NSMF: variants seen among roughly 807,000 people sequenced by gnomAD.
NSMF encodes nasal embryonic LHRH factor.
A neutral mutation model predicts 71.0 loss-of-function variants in NSMF; 31 were observed. The observed-to-expected ratio is 0.44, with a 90% confidence interval of 0.33 to 0.59. The LOEUF (loss-of-function observed/expected upper bound fraction) is 0.59, where lower values mean the gene tolerates loss of function less well. Ranked by LOEUF, NSMF falls within the 20% of genes least tolerant of loss-of-function variation. The pLI, the probability that NSMF is intolerant of heterozygous loss-of-function variation, is 0.04. For synonymous variants in NSMF, 345 were observed against 287.1 expected (o/e 1.20, Z -2.04); for missense variants, 673 against 740.5 (o/e 0.91, Z 1.06).
chr9:137,455,383 G>A, intron 5 of NSMF, 76 bp from the exon 6 acceptor site: 5 of 1,529,548 alleles, frequency 3.3e-6, no homozygotes, highest in Non-Finnish European at 3.6e-6. Context: ...AGTGGTGCGA[G>A]CAGAGGGCCC....
rs140672599 is a variant in NSMF at position 137,453,420 on chromosome 9, G to A, written c.923-240C>T. 5.8e-3 allele frequency: 3,600 copies of A among 621,626 alleles called. 16 individuals are homozygous for A. The highest frequency in any genetic ancestry group is 8.3e-3 in the Non-Finnish European group (2,961 of 358,412). 38.5% of individuals were successfully genotyped at this position (621,626 alleles called of 1,614,324 possible). A position where few individuals can be genotyped will look rare whatever the true frequency, so the allele number is the denominator to read the frequency against. On this transcript the variant is annotated intron_variant, in intron 8 of 15. Coordinates refer to ENST00000371475, the MANE Select transcript of NSMF (RefSeq NM_001130969.3). This position sits in a 1 kb window ranked among gnomAD's most constrained non-coding sequence, Gnocchi z 4.5. ...CGGTGGAAGGCGCGTGCAGGCATCAGCTCCAGCCAAGTCCGCCGGGCGCCT... is the reference window on the plus strand; with the variant it reads ...CGGTGGAAGGCGCGTGCAGGCATCAACTCCAGCCAAGTCCGCCGGGCGCCT...
intron 12 of NSMF, 54 bp from the exon 13 acceptor site, chr9:137,450,309 C>T: frequency 2.1e-6 from 3 of 1,422,902 alleles, no homozygotes; most frequent in Non-Finnish European, 3.0e-6. Context: ...CTCTCCGACA[C>T]ACATGCACCC....
intron 10 of NSMF, 62 bp from the exon 11 acceptor site, chr9:137,452,648 G>A: frequency 6.2e-7 from 1 of 1,608,948 alleles, no homozygotes; most frequent in South Asian, 1.1e-5. Context: ...CAGCGCCACA[G>A]CACCCTGGGG....
rs1245354015 is a variant in NSMF at position 137,453,786 on chromosome 9, C to A, written c.867G>T (p.Arg289=). The A allele has an allele frequency of 6.3e-7, 1 of 1,599,520 alleles. No individual in the cohort carries two copies. The highest frequency in any genetic ancestry group is 1.3e-5 in the African/African-American group (1 of 74,800). The change falls in exon 8 of 16, where the codon CGG becomes CGT. Residue 289 remains arginine (R), a synonymous_variant. Coordinates refer to ENST00000371475, the MANE Select transcript of NSMF (RefSeq NM_001130969.3). The surrounding 1 kb of genome is among the most constrained non-coding windows in gnomAD (Gnocchi z 4.5). ...TCATGGGGGTGGGGTCGCTCCAGGA[C>A]CGGCTGAAGCTCCGCTCGCGCCGCT... ...FAERRERSFS[R]SWSDPTPMKA... is the part of the protein sequence containing the mutation.
rs762284135 is a variant in NSMF, at chr9:137,449,502, C to T, written c.1496-11G>A. On this transcript the variant is annotated splice_polypyrimidine_tract_variant and intron_variant, in intron 15 of 15. Transcript: ENST00000371475. ...CGATCATCTGCTTCCCTGGGCGGAG[C>T]GGGGGCAGGAGGCTCAGGCCTGGCC... 1.4e-5 allele frequency: 23 copies of T among 1,612,452 alleles called. No homozygotes were observed. The highest frequency in any genetic ancestry group is 1.6e-4 in the Middle Eastern group (1 of 6,084).
Position 137,453,428 on chromosome 9 carries a change from C to G in NSMF, c.923-248G>C. ...GGCGCGTGCAGGCATCAGCTCCAGC[C>G]AAGTCCGCCGGGCGCCTGGGAGGGA... On this transcript the variant is annotated intron_variant, in intron 8 of 15. Transcript: ENST00000371475. The surrounding 1 kb of genome is among the most constrained non-coding windows in gnomAD (Gnocchi z 4.5). 1.6e-6 allele frequency: 1 copy of G among 615,524 alleles called. No homozygotes were observed. Among genetic ancestry groups the G allele is most frequent in the South Asian group, 2.0e-5 (1 of 51,008 alleles). The allele number at this position is 615,524 out of a possible 1,614,324, so 38.1% of individuals were successfully genotyped here. A position where few individuals can be genotyped will look rare whatever the true frequency, so the allele number is the denominator to read the frequency against.
Position 137,458,521 on chromosome 9 carries a change from A to T in NSMF, c.100T>A (p.Ser34Thr). The change falls in exon 2 of 16, where the codon TCC becomes ACC. Residue 34 changes from serine to threonine, a missense_variant. Transcript: ENST00000371475. The part of the protein sequence containing the change: ...RAARAFGEYL[S>T]QSHPENRNGA... ...TTGCGGTTCTCAGGGTGACTCTGGG[A>T]CAGGTACTCTCCAAACGCTCGGGCT... The T allele has an allele frequency of 6.3e-7, 1 of 1,598,960 alleles. No homozygotes were observed. Among genetic ancestry groups the T allele is most frequent in the Non-Finnish European group, 8.5e-7 (1 of 1,174,636 alleles).
rs1286335201 is a variant in NSMF at position 137,458,118 on chromosome 9, C to CTG, written c.134-219_134-218dup. On this transcript the variant is annotated intron_variant, in intron 2 of 15. Transcript: ENST00000371475. ...TGGGGGCTGGGTGACGCTGTGCTAC[C>CTG]TGTGTGCGGTCCTGCCGGGTAGGAA... is the stretch of plus-strand genomic sequence containing the variant. 4.6e-5 allele frequency among the ~76,000 whole-genome samples: 7 copies of CTG among 152,208 alleles called. 1 individual carries two copies. In the East Asian group the frequency reaches 1.2e-3, roughly 25 times the overall value.
At chr9:137,452,907 G>A (rs1207978158) in intron 9 of NSMF, 88 bp from the exon 10 acceptor site, 1 of 1,551,648 alleles carries the variant, frequency 6.4e-7, no homozygotes, top group Admixed American at 1.8e-5. Context: ...CCTTCTGGCT[G>A]CCAGGCAGCC....
At position 137,457,453 on chromosome 9, in the gene NSMF, A is replaced by C; in HGVS notation, c.582T>G (p.Gly194=). Residue 194 remains glycine, a synonymous_variant, in exon 3 of 16, where the codon GGT becomes GGG. Coordinates refer to ENST00000371475, the MANE Select transcript of NSMF (RefSeq NM_001130969.3). ...LDQPPLPETS[G]RRKKLERMYS... ...ACATCCTCTCCAGCTTCTTGCGGCG[A>C]CCGGAGGTCTCAGGCAGAGGTGGCT... 6.2e-7 allele frequency: 1 copy of C among 1,612,768 alleles called. No individual in the cohort carries two copies. The highest frequency in any genetic ancestry group is 1.1e-5 in the South Asian group (1 of 91,074).
In NSMF at chr9:137,449,460, G is replaced by C. The variant is rs1588490078; in HGVS notation, c.1527C>G (p.Phe509Leu). ...GKQMIETYFD[F>L]RLYRLWKSRQ... ...GGCTCTTCCACAGGCGATACAACCG[G>C]AAGTCAAAGTACGTCTCGATCATCT... The change falls in exon 16 of 16, where the codon TTC (phenylalanine) becomes TTG (leucine). Residue 509 changes from phenylalanine (F) to leucine (L), a missense_variant. Around this residue, in one of 2 missense-constraint regions of NSMF, gnomAD observed 202 missense variants for 280.8 expected, o/e 0.72. Coordinates refer to ENST00000371475, the MANE Select transcript of NSMF (RefSeq NM_001130969.3). The C allele has an allele frequency of 1.2e-6, 2 of 1,612,946 alleles. No individual in the cohort carries two copies. Among genetic ancestry groups the C allele is most frequent in the Non-Finnish European group, 1.7e-6 (2 of 1,179,936 alleles).
intron 6 of NSMF, chr9:137,455,012 C>A: frequency 1.4e-6 from 1 of 727,216 alleles, no homozygotes. Flanking sequence ...GCTGCTGGCC[C>A]CAGCCCAGAC....
chr9:137,455,025 A>G (rs758805740), intron 6 of NSMF: 8 of 729,314 alleles, frequency 1.1e-5, no homozygotes, highest in East Asian at 2.7e-5. Flanking sequence ...GCCCAGACAG[A>G]GACACGTGCC....
intron 11 of NSMF, 58 bp from the exon 12 acceptor site, chr9:137,452,493 AC>A: frequency 6.2e-7 from 1 of 1,611,792 alleles, no homozygotes; most frequent in Non-Finnish European, 8.5e-7. Flanking sequence ...GGGCACCCCC[AC>A]CTGTGTCTGC....
Position 137,449,319 on chromosome 9 carries a change from G to A in NSMF, c.*75C>T. 2 of 1,257,274 alleles carry A rather than the reference G, an allele frequency of 1.6e-6. No homozygotes were observed. Among genetic ancestry groups the A allele is most frequent in the East Asian group, 2.4e-5 (1 of 41,292 alleles). 77.9% of individuals were successfully genotyped at this position (1,257,274 alleles called of 1,614,324 possible). A position where few individuals can be genotyped will look rare whatever the true frequency, so the allele number is the denominator to read the frequency against. ...GACCGGAGCCACACAGTCCCGGGGA[G>A]CACGAGGCGGCCCAGCCCCAGGTCC... is the stretch of plus-strand genomic sequence containing the variant. On this transcript the variant is annotated 3_prime_UTR_variant, in exon 16 of 16. Transcript: ENST00000371475.
chr9:137,449,828 G>A, intron 14 of NSMF, 95 bp downstream of exon 14: 2 of 1,360,130 alleles, frequency 1.5e-6, no homozygotes, highest in South Asian at 1.2e-5. Context: ...CCCGGGGGAA[G>A]GAAAAAAAAT....
At position 137,452,830 on chromosome 9, in the gene NSMF, A is replaced by G. The variant is rs74899684; in HGVS notation, c.1048-11T>C. 2.1e-3 allele frequency: 3,300 copies of G among 1,594,692 alleles called. 62 individuals are homozygous for G. In the African/African-American group the frequency reaches 0.038, roughly 19 times the overall value. ...CTTGGAGGAAATGAGCTGCGGAGACAAAGAGCTGCTCAGGGGCCCCAGGCC... is the reference window on the plus strand; with the variant it reads ...CTTGGAGGAAATGAGCTGCGGAGACGAAGAGCTGCTCAGGGGCCCCAGGCC... On this transcript the variant is annotated splice_polypyrimidine_tract_variant and intron_variant, in intron 9 of 15. Transcript: ENST00000371475.
At chr9:137,458,574 C>A in intron 1 of NSMF, 25 bp from the exon 2 acceptor site, 1 of 1,577,150 alleles carries the variant, frequency 6.3e-7, no homozygotes, top group South Asian at 1.2e-5. Flanking sequence ...AGGGCACGGT[C>A]AGAGGCCACG....
Position 137,457,562 on chromosome 9 carries a change from G to T in NSMF, c.473C>A (p.Ala158Glu). ...CTCCTTGGAGCCCTGGCGGCTGCCC[G>T]CCCAGCTCTGGCAGGGCCTGCTGAC... ...EDVSRPCQSW[A>E]GSRQGSKECP... is the part of the protein sequence containing the mutation. Residue 158 changes from alanine to glutamate, a missense_variant, in exon 3 of 16, where the codon GCG (alanine) becomes GAG (glutamate). Ala to Glu is a moderately radical substitution (Grantham distance 107). Transcript: ENST00000371475. The T allele has an allele frequency of 6.3e-7, 1 of 1,582,586 alleles. No homozygotes were observed.
Sources: gnomAD v4.1 joint callset for allele counts (sites outside exome capture counted in the v4.1 genomes callset) on GRCh38, gnomAD v4.1.1 for gene constraint, gnomAD v4.1.1 regional missense constraint, Gnocchi (gnomAD v3.1) non-coding constraint, MANE v1.5 for transcripts, NCBI Gene and HGNC (gene_info 2026-07-23, HGNC 2026-07-21) for gene names.